Variants in TMEM179 observed in about 807,000 individuals in gnomAD.
TMEM179 encodes the protein transmembrane protein 179.
TMEM179 carries 17 observed loss-of-function variants against 22.2 expected under a neutral mutation model. The ratio of observed to expected loss-of-function variants is 0.77; its 90% CI spans 0.52 to 1.15. The LOEUF (loss-of-function observed/expected upper bound fraction) is 1.15, where lower values mean the gene tolerates loss of function less well. Among genes scored for constraint, TMEM179 ranks in the 50% most tolerant of loss-of-function variants. The probability of loss-of-function intolerance (pLI) is 0.00; values close to 1 mark genes in which losing one functional copy is unlikely to be tolerated. For missense variants in TMEM179, 265 were observed against 313.6 expected (o/e 0.84, Z 1.17); for synonymous variants, 127 against 140.5 (o/e 0.90, Z 0.68).
At chr14:104,601,621 C>A (rs1253760163) in intron 1 of TMEM179, among the ~76,000 whole-genome samples, 1 of 152,184 alleles carries the variant, frequency 6.6e-6, no homozygotes, top group Non-Finnish European at 1.5e-5. Flanking sequence ...GGACAGGTGG[C>A]CACATGACCA....
chr14:104,604,341 G>C lies in TMEM179; in HGVS notation c.305+96C>G. 4 of 1,339,112 alleles carry C rather than the reference G, an allele frequency of 3.0e-6. No homozygotes were observed. Among genetic ancestry groups the C allele is most frequent in the Non-Finnish European group, 3.9e-6 (4 of 1,026,186 alleles). 83.0% of individuals were successfully genotyped at this position (1,339,112 alleles called of 1,614,324 possible). A position where few individuals can be genotyped will look rare whatever the true frequency, so the allele number is the denominator to read the frequency against. Reference sequence around the variant, plus strand: ...ACATTTGCGGGCCTCGGAGCTGCCTGAGAGACGGAGGGACTCGCGCGCCTC... The same window carrying C: ...ACATTTGCGGGCCTCGGAGCTGCCTCAGAGACGGAGGGACTCGCGCGCCTC... On this transcript the variant is annotated intron_variant, in intron 1 of 3. Coordinates refer to ENST00000556573, the MANE Select transcript of TMEM179 (RefSeq NM_001286389.2). The surrounding 1 kb of genome is among the most constrained non-coding windows in gnomAD (Gnocchi z 4.6).
chr14:104,597,045 C>T lies in TMEM179; in HGVS notation c.388G>A (p.Val130Met), dbSNP rs767076150. ...GTGTCGCACCACATGGTGAAGCCCA[C>T]GCTCACGATGGTGCTGGCAATGAAG... The part of the protein sequence containing the change: ...LVFIASTIVS[V>M]GFTMWCDTIT... The change falls in exon 2 of 4, where the codon GTG becomes ATG. Residue 130 changes from valine (V) to methionine (M), a missense_variant. Physicochemically the swap from Val to Met is conservative, Grantham distance 21. Transcript: ENST00000556573. The surrounding 1 kb of genome is among the most constrained non-coding windows in gnomAD (Gnocchi z 4.8). The T allele has an allele frequency of 1.2e-5, 20 of 1,609,982 alleles. No individual in the cohort carries two copies. The highest frequency in any genetic ancestry group is 7.8e-5 in the South Asian group (7 of 90,224).
chr14:104,604,671 A>G lies in TMEM179; in HGVS notation c.71T>C (p.Val24Ala). The G allele has an allele frequency of 6.3e-7, 1 of 1,598,522 alleles. No individual in the cohort carries two copies. The highest frequency in any genetic ancestry group is 1.1e-5 in the South Asian group (1 of 89,984). The change falls in exon 1 of 4, where the codon GTG becomes GCG. Residue 24 changes from valine (V) to alanine (A), a missense_variant. By Grantham distance (64) the Val-to-Ala change is moderately conservative. Coordinates refer to ENST00000556573, the MANE Select transcript of TMEM179 (RefSeq NM_001286389.2). This position sits in a 1 kb window ranked among gnomAD's most constrained non-coding sequence, Gnocchi z 4.6. ...GCCGTTCTCGGACAGCGGGACCACC[A>G]CCACGAAGCTGAACAGGAAGGCCAA... ...YFLAFLFSFV[V>A]VVPLSENGHD...
chr14:104,596,493 C>T (rs929268720), intron 2 of TMEM179, among the ~76,000 whole-genome samples: 19 of 152,210 alleles, frequency 1.2e-4, no homozygotes, highest in African/African-American at 4.6e-4. Context: ...CTTCACCATC[C>T]CCGTCCCTTC....
At position 104,604,323 on chromosome 14, in the gene TMEM179, C is replaced by T. The variant is rs1183503958; in HGVS notation, c.305+114G>A. On this transcript the variant is annotated intron_variant, in intron 1 of 3. Transcript: ENST00000556573. The surrounding 1 kb of genome is among the most constrained non-coding windows in gnomAD (Gnocchi z 4.6). ...GGTGAGGGCGGATTGTTGACATTTGCGGGCCTCGGAGCTGCCTGAGAGACG... is the reference window on the plus strand; with the variant it reads ...GGTGAGGGCGGATTGTTGACATTTGTGGGCCTCGGAGCTGCCTGAGAGACG... 7 of 1,185,212 alleles carry T rather than the reference C, an allele frequency of 5.9e-6. No homozygotes were observed. The highest frequency in any genetic ancestry group is 3.4e-6 in the Non-Finnish European group (3 of 888,718). 73.4% of individuals were successfully genotyped at this position (1,185,212 alleles called of 1,614,324 possible). A position where few individuals can be genotyped will look rare whatever the true frequency, so the allele number is the denominator to read the frequency against.
rs1176944908 is a variant in TMEM179, at chr14:104,604,605, A to G, written c.137T>C (p.Met46Thr). The change falls in exon 1 of 4, where the codon ATG becomes ACG. Residue 46 changes from methionine (M) to threonine (T), a missense_variant. Met to Thr is a moderately conservative substitution (Grantham distance 81). Transcript: ENST00000556573. The surrounding 1 kb of genome is among the most constrained non-coding windows in gnomAD (Gnocchi z 4.6). ...RGRCLLFTEG[M>T]WLSANLTVQE... Reference sequence around the variant, plus strand: ...CACCGTGAGGTTGGCGCTCAGCCACATGCCCTCGGTGAAGAGCAGGCAGCG... The same window carrying G: ...CACCGTGAGGTTGGCGCTCAGCCACGTGCCCTCGGTGAAGAGCAGGCAGCG... 1.3e-6 allele frequency: 2 copies of G among 1,563,170 alleles called. No homozygotes were observed. Among genetic ancestry groups the G allele is most frequent in the Non-Finnish European group, 1.7e-6 (2 of 1,158,026 alleles).
rs1010407428 is a variant in TMEM179 at position 104,594,636 on chromosome 14, C to G, written c.522+529G>C. 3 of 1,225,238 alleles carry G rather than the reference C, an allele frequency of 2.4e-6. No individual in the cohort carries two copies. The African/African-American group carries it at 4.7e-5, about 19-fold the overall frequency. 75.9% of individuals were successfully genotyped at this position (1,225,238 alleles called of 1,614,324 possible). ...GGGCCACCATCGCCCTCCACCAAGT[C>G]TCCTAGGGGGCGGGGGACGCAGCTT... On this transcript the variant is annotated intron_variant, in intron 3 of 3. Coordinates refer to ENST00000556573, the MANE Select transcript of TMEM179 (RefSeq NM_001286389.2).
intron 1 of TMEM179, among the ~76,000 whole-genome samples, chr14:104,598,405 C>T (rs886950122): frequency 6.6e-6 from 1 of 152,266 alleles, no homozygotes; most frequent in Non-Finnish European, 1.5e-5. Flanking sequence ...CCCACAGAAA[C>T]AGCTTCACAG....
Position 104,597,126 on chromosome 14 carries a change from A to C in TMEM179, c.307T>G (p.Ser103Ala), listed in dbSNP as rs749903001. 1.3e-6 allele frequency: 2 copies of C among 1,588,656 alleles called. No homozygotes were observed. The highest frequency in any genetic ancestry group is 3.5e-5 in the Admixed American group (2 of 56,454). The change falls in exon 2 of 4, where the codon TCC becomes GCC. Residue 103 changes from serine to alanine, a missense_variant and splice_region_variant. Ser to Ala is a moderately conservative substitution (Grantham distance 99, BLOSUM62 1). Transcript: ENST00000556573. This position sits in a 1 kb window ranked among gnomAD's most constrained non-coding sequence, Gnocchi z 4.8. Reference protein sequence around the residue: ...LFFLCKGHEGSFFSAFLNLLV... With the variant: ...LFFLCKGHEGAFFSAFLNLLV... ...AGGTTCAGGAAGGCGGAGAAGAAGGAGCTGCAGCCAGAAACAGGAGGGGCA... is the reference window on the plus strand; with the variant it reads ...AGGTTCAGGAAGGCGGAGAAGAAGGCGCTGCAGCCAGAAACAGGAGGGGCA...
In TMEM179 at chr14:104,596,941, G is replaced by A. The variant is rs371845307; in HGVS notation, c.443+49C>T. 30 of 1,573,408 alleles carry A rather than the reference G, an allele frequency of 1.9e-5. No homozygotes were observed. In the African/African-American group the frequency reaches 2.0e-4, roughly 11 times the overall value. On this transcript the variant is annotated intron_variant, in intron 2 of 3. Transcript: ENST00000556573. ...CCCACAGCAGGGCAGGGTGTCAAGG[G>A]ATCTTCCGGGGAGGTGGGCGGAGGC... is the stretch of plus-strand genomic sequence containing the variant.
Position 104,604,652 on chromosome 14 carries a change from C to T in TMEM179, c.90G>A (p.Glu30=). The T allele has an allele frequency of 6.3e-7, 1 of 1,592,358 alleles. No individual in the cohort carries two copies. The highest frequency in any genetic ancestry group is 8.5e-7 in the Non-Finnish European group (1 of 1,171,374). Reference sequence around the variant, plus strand: ...AGCGGCCGCGGAAGTCGTGGCCGTTCTCGGACAGCGGGACCACCACCACGA... The same window carrying T: ...AGCGGCCGCGGAAGTCGTGGCCGTTTTCGGACAGCGGGACCACCACCACGA... ...FSFVVVVPLS[E]NGHDFRGRCL... Residue 30 remains glutamate (E), a synonymous_variant, in exon 1 of 4, where the codon GAG becomes GAA. Transcript: ENST00000556573. This position sits in a 1 kb window ranked among gnomAD's most constrained non-coding sequence, Gnocchi z 4.6.
chr14:104,596,868 T>G (rs1887040106), intron 2 of TMEM179, 122 bp downstream of exon 2: 1 of 1,315,748 alleles, frequency 7.6e-7, no homozygotes. Context: ...CAGTGCACAG[T>G]GGGACCAGGG....
chr14:104,599,018 C>G (rs908533382), intron 1 of TMEM179, among the ~76,000 whole-genome samples: 6 of 152,196 alleles, frequency 3.9e-5, no homozygotes, highest in Non-Finnish European at 5.9e-5. Context: ...AAGCCACAAC[C>G]CCCATCACAG....
rs563742426 is a variant in TMEM179 at position 104,597,732 on chromosome 14, C to G, written c.306-605G>C. Among the ~76,000 whole-genome samples, 1 of 152,158 alleles carries G rather than the reference C, an allele frequency of 6.6e-6. No homozygotes were observed. Among genetic ancestry groups the G allele is most frequent in the African/African-American group, 2.4e-5 (1 of 41,430 alleles). On this transcript the variant is annotated intron_variant, in intron 1 of 3. Transcript: ENST00000556573. This position sits in a 1 kb window ranked among gnomAD's most constrained non-coding sequence, Gnocchi z 4.8. ...GCCTGGATCGCAGACCTCTAGCCTC[C>G]GGAAGTGTGAGCAGTAAATGCCTGT...
Position 104,595,299 on chromosome 14 carries a change from A to G in TMEM179, c.444-56T>C. 1 of 1,539,792 alleles carries G rather than the reference A, an allele frequency of 6.5e-7. No homozygotes were observed. On this transcript the variant is annotated intron_variant, in intron 2 of 3. Transcript: ENST00000556573. The surrounding 1 kb of genome is among the most constrained non-coding windows in gnomAD (Gnocchi z 5.7). ...ACCACCAGGACAGCCAGTGCGGGACATGGCTGAGCCGCTGGCCAGAGAGCC... is the reference window on the plus strand; with the variant it reads ...ACCACCAGGACAGCCAGTGCGGGACGTGGCTGAGCCGCTGGCCAGAGAGCC...
At chr14:104,598,981 G>A (rs1202027098) in intron 1 of TMEM179, among the ~76,000 whole-genome samples, 2 of 152,236 alleles carry the variant, frequency 1.3e-5, no homozygotes, top group Non-Finnish European at 2.9e-5. Flanking sequence ...AAGATGGCTG[G>A]AGAGTGGGTA....
In TMEM179 at chr14:104,604,298, G is replaced by A; in HGVS notation, c.305+139C>T. On this transcript the variant is annotated intron_variant, in intron 1 of 3. Coordinates refer to ENST00000556573, the MANE Select transcript of TMEM179 (RefSeq NM_001286389.2). The surrounding 1 kb of genome is among the most constrained non-coding windows in gnomAD (Gnocchi z 4.6). ...GACAAAGGGCGGTCTGAGTGGAGGG[G>A]GTGAGGGCGGATTGTTGACATTTGC... 3.2e-6 allele frequency: 3 copies of A among 930,768 alleles called. No individual in the cohort carries two copies. Among genetic ancestry groups the A allele is most frequent in the African/African-American group, 1.8e-5 (1 of 56,818 alleles). 57.7% of individuals were successfully genotyped at this position (930,768 alleles called of 1,614,324 possible). A position where few individuals can be genotyped will look rare whatever the true frequency, so the allele number is the denominator to read the frequency against.
intron 2 of TMEM179, 116 bp downstream of exon 2, chr14:104,596,874 C>G (rs1180844380): frequency 7.3e-7 from 1 of 1,364,158 alleles, no homozygotes; most frequent in African/African-American, 1.4e-5. Flanking sequence ...ACAGTGGGAC[C>G]AGGGACCGCA....
At chr14:104,598,697 G>A (rs1887130174) in intron 1 of TMEM179, among the ~76,000 whole-genome samples, 1 of 152,224 alleles carries the variant, frequency 6.6e-6, no homozygotes, top group South Asian at 2.1e-4. Flanking sequence ...ACACCAGGCT[G>A]CTTTGTAACA....
Sources: allele counts gnomAD v4.1 joint callset (sites outside exome capture counted in the v4.1 genomes callset), GRCh38; gene constraint gnomAD v4.1.1; non-coding constraint Gnocchi (gnomAD v3.1); transcripts MANE v1.5; gene names NCBI Gene and HGNC (gene_info 2026-07-23, HGNC 2026-07-21).